Variants in CA5A observed in about 807,000 individuals in gnomAD.
CA5A encodes the protein carbonic anhydrase 5A, mitochondrial.
Under a neutral mutation model 37.1 loss-of-function variants are expected in CA5A, and 28 were observed. That is an observed-to-expected ratio of 0.75 (90% confidence interval 0.56 to 1.03). CA5A has a LOEUF of 1.03. Ranked by LOEUF, CA5A falls within the 50% of genes least tolerant of loss-of-function variation. The pLI, the probability that CA5A is intolerant of heterozygous loss-of-function variation, is 0.00. For synonymous variants in CA5A, 171 were observed against 158.4 expected (o/e 1.08, Z -0.60); for missense variants, 444 against 399.9 (o/e 1.11, Z -0.94).
intron 1 of CA5A, among the ~76,000 whole-genome samples, chr16:87,932,272 C>T (rs2056418161): frequency 1.3e-5 from 2 of 152,110 alleles, no homozygotes; most frequent in Admixed American, 1.3e-4. Flanking sequence ...TGAATGTAGA[C>T]AGAACCCTAA....
chr16:87,907,909 AGAG>A (rs2055989690), intron 2 of CA5A, among the ~76,000 whole-genome samples: 2 of 152,220 alleles, frequency 1.3e-5, no homozygotes, highest in South Asian at 4.1e-4. Flanking sequence ...CTGGGCAACA[AGAG>A]TGAAACTCCG....
chr16:87,931,146 CTG>C (rs1246138966), intron 1 of CA5A, among the ~76,000 whole-genome samples: 2 of 148,072 alleles, frequency 1.4e-5, no homozygotes, highest in Non-Finnish European at 3.0e-5. Context: ...GAGTCTCACT[CTG>C]TTGCCAGGGC....
At chr16:87,893,415 C>G (rs906216163) in intron 5 of CA5A, 2 of 492,596 alleles carry the variant, frequency 4.1e-6, no homozygotes, top group African/African-American at 3.9e-5. Context: ...GCGTGAGCCA[C>G]CACGCCCGGC....
intron 1 of CA5A, among the ~76,000 whole-genome samples, chr16:87,930,424 C>T (rs2056385904): frequency 6.6e-6 from 1 of 152,170 alleles, no homozygotes; most frequent in South Asian, 2.1e-4. Flanking sequence ...CCAGAGTGTT[C>T]CTCTGTTCTT....
At chr16:87,926,358 C>A (rs1043675360) in intron 2 of CA5A, among the ~76,000 whole-genome samples, 6 of 152,216 alleles carry the variant, frequency 3.9e-5, no homozygotes, top group Admixed American at 6.5e-5. Flanking sequence ...CCTAGATGAT[C>A]AAGGCCAGCG....
At chr16:87,891,086 G>A (rs915736899) in intron 6 of CA5A, among the ~76,000 whole-genome samples, 12 of 151,284 alleles carry the variant, frequency 7.9e-5, no homozygotes, top group African/African-American at 2.2e-4. Context: ...GAGCCATGAC[G>A]CCCAGCCCAA....
rs181241277 is a variant in CA5A, at chr16:87,916,899, G to A, written c.340+9849C>T. ...AGGAGGATCACGAGGTCAGGAGATCGAGGCCATCCTGGCTAACACAGTGAA... is the reference window on the plus strand; with the variant it reads ...AGGAGGATCACGAGGTCAGGAGATCAAGGCCATCCTGGCTAACACAGTGAA... On this transcript the variant is annotated intron_variant, in intron 2 of 6. Transcript: ENST00000649794. 3.2e-3 allele frequency among the ~76,000 whole-genome samples: 493 copies of A among 152,166 alleles called. 2 individuals carry two copies. The highest frequency in any genetic ancestry group is 5.6e-3 in the Non-Finnish European group (378 of 68,002).
intron 5 of CA5A, chr16:87,893,150 T>C (rs1050150694): frequency 8.6e-6 from 4 of 464,918 alleles, no homozygotes; most frequent in South Asian, 3.6e-5. Context: ...TTCTTTCTTT[T>C]TTTTTTCAGA....
intron 5 of CA5A, chr16:87,893,694 T>C: frequency 1.9e-6 from 1 of 536,298 alleles, no homozygotes; most frequent in Non-Finnish European, 3.6e-6. Flanking sequence ...CGAATTCCAG[T>C]TTAAAGGCAG....
At chr16:87,882,267 G>T (rs951436962) in intron 4 of CA5A, 1 of 152,248 alleles carries the variant, frequency 6.6e-6, no homozygotes, top group African/African-American at 2.4e-5. Context: ...GCTTCCATCA[G>T]CGTGAACTGC....
At position 87,926,906 on chromosome 16, in the gene CA5A, C is replaced by A. The variant is rs2056320812; in HGVS notation, c.182G>T (p.Gly61Val). The part of the protein sequence containing the change: ...LWTVPVSVPG[G>V]TRQSPINIQW... Reference sequence around the variant, plus strand: ...GATGTTAATAGGAGACTGCCGGGTGCCCCCTGGCACGGAGACCGGGACCGT... The same window carrying A: ...GATGTTAATAGGAGACTGCCGGGTGACCCCTGGCACGGAGACCGGGACCGT... Residue 61 changes from glycine to valine, a missense_variant, in exon 2 of 7, where the codon GGC becomes GTC. By Grantham distance (109) the Gly-to-Val change is moderately radical. Transcript: ENST00000649794. 6.2e-7 allele frequency: 1 copy of A among 1,602,990 alleles called. No homozygotes were observed. Among genetic ancestry groups the A allele is most frequent in the Non-Finnish European group, 8.5e-7 (1 of 1,174,024 alleles).
At chr16:87,890,430 C>G (rs1233464825) in intron 6 of CA5A, among the ~76,000 whole-genome samples, 1 of 152,138 alleles carries the variant, frequency 6.6e-6, no homozygotes, top group East Asian at 1.9e-4. Flanking sequence ...TCTAAGAGCT[C>G]ACCTGGAGCC....
At chr16:87,896,757 T>C (rs141169990) in intron 5 of CA5A, among the ~76,000 whole-genome samples, 2,195 of 152,276 alleles carry the variant, frequency 0.014, 47 homozygotes, top group African/African-American at 0.05. Flanking sequence ...TCTCCTGCCT[T>C]AGCCTCCCTA....
chr16:87,909,526 G>A (rs2056018644), intron 2 of CA5A, among the ~76,000 whole-genome samples: 1 of 152,244 alleles, frequency 6.6e-6, no homozygotes, highest in Non-Finnish European at 1.5e-5. Context: ...ACTCGGGCTG[G>A]GCTGGAGCGG....
intron 2 of CA5A, among the ~76,000 whole-genome samples, chr16:87,910,427 A>G (rs1280439719): frequency 1.3e-5 from 2 of 152,130 alleles, no homozygotes; most frequent in Non-Finnish European, 2.9e-5. Context: ...AGGTTCGGTC[A>G]CCTGCCCCAG....
intron 5 of CA5A, chr16:87,893,188 T>G (rs1001951757): frequency 9.3e-6 from 4 of 431,826 alleles, no homozygotes; most frequent in African/African-American, 8.3e-5. Context: ...AGTGCAGTGG[T>G]GCGATCTCAG....
Position 87,893,051 on chromosome 16 carries a change from G to C in CA5A, c.619-1097C>G. On this transcript the variant is annotated intron_variant, in intron 5 of 6. Coordinates refer to ENST00000649794, the MANE Select transcript of CA5A (RefSeq NM_001739.2). The stretch of plus-strand genomic sequence containing the variant: ...AGAATGTGCCCAACCTTCATGTCAC[G>C]AAGGCCATGCAGTCTCTCAAGCCCC... 3.3e-6 allele frequency: 4 copies of C among 1,198,186 alleles called. 1 individual carries two copies. In the South Asian group the frequency reaches 5.6e-5, roughly 17 times the overall value. The allele number at this position is 1,198,186 out of a possible 1,614,324, so 74.2% of individuals were successfully genotyped here.
intron 2 of CA5A, among the ~76,000 whole-genome samples, chr16:87,907,317 C>T (rs1342183941): frequency 1.3e-5 from 2 of 152,140 alleles, no homozygotes; most frequent in African/African-American, 2.4e-5. Flanking sequence ...GCTCTGTGCT[C>T]GCTTCTGCCT....
chr16:87,921,450 T>C (rs1193735668), intron 2 of CA5A, among the ~76,000 whole-genome samples: 2 of 152,234 alleles, frequency 1.3e-5, no homozygotes, highest in African/African-American at 2.4e-5. Flanking sequence ...GGGGCACAGC[T>C]GGCCTTTGCA....
Sources: allele counts gnomAD v4.1 joint callset (sites outside exome capture counted in the v4.1 genomes callset), GRCh38; gene constraint gnomAD v4.1.1; transcripts MANE v1.5; gene names NCBI Gene and HGNC (gene_info 2026-07-23, HGNC 2026-07-21).